AQP11: variants seen among roughly 807,000 people sequenced by gnomAD.
AQP11 encodes the protein aquaporin-11.
A neutral mutation model predicts 21.1 loss-of-function variants in AQP11; 20 were observed. The observed-to-expected ratio is 0.95, with a 90% CI of 0.67 to 1.38. AQP11 has a LOEUF of 1.38. Among genes scored for constraint, AQP11 ranks in the 40% most tolerant of loss-of-function variants. The probability of loss-of-function intolerance (pLI) is 0.00; values close to 1 mark genes in which losing one functional copy is unlikely to be tolerated. For missense variants in AQP11, 339 were observed against 340.4 expected (o/e 1.00, Z 0.03); for synonymous variants, 167 against 150.1 (o/e 1.11, Z -0.82).
chr11:77,606,760 C>T (rs1324808401), intron 2 of AQP11, among the ~76,000 whole-genome samples: 2 of 152,052 alleles, frequency 1.3e-5, no homozygotes, highest in Non-Finnish European at 2.9e-5. Flanking sequence ...CCACACCCAG[C>T]TAAGTTTTGT....
chr11:77,593,214 A>G (rs1958758879), intron 1 of AQP11, among the ~76,000 whole-genome samples: 1 of 152,168 alleles, frequency 6.6e-6, no homozygotes, highest in African/African-American at 2.4e-5. Flanking sequence ...AGAAATTTAT[A>G]ATGCAGTATG....
intron 2 of AQP11, among the ~76,000 whole-genome samples, chr11:77,607,215 G>C (rs766339800): frequency 7.9e-5 from 12 of 151,890 alleles, no homozygotes; most frequent in Non-Finnish European, 1.6e-4. Flanking sequence ...AAAAAAATTG[G>C]CTCCAAATGA....
intron 2 of AQP11, among the ~76,000 whole-genome samples, chr11:77,606,134 C>G (rs2065870236): frequency 6.7e-6 from 1 of 149,866 alleles, no homozygotes; most frequent in South Asian, 2.1e-4. Context: ...GCCAGGAGTT[C>G]AAGGCCACCT....
intron 1 of AQP11, among the ~76,000 whole-genome samples, chr11:77,592,454 A>G (rs1277234902): frequency 2.0e-5 from 3 of 152,192 alleles, no homozygotes; most frequent in Non-Finnish European, 4.4e-5. Context: ...TCTACAATTA[A>G]AAGCAGTAAA....
intron 1 of AQP11, among the ~76,000 whole-genome samples, chr11:77,600,338 C>A (rs577468350): frequency 6.6e-6 from 1 of 152,176 alleles, no homozygotes; most frequent in Non-Finnish European, 1.5e-5. Context: ...AAGTATCATA[C>A]CTTACTCAGC....
rs1039057337 is a variant in AQP11, at chr11:77,603,678, C to T, written c.736+6C>T. ...CTGGCTGGCTCCTTCTTTAGGTAAG[C>T]GTATTTTTATTTAATATGTCTGAAA... On this transcript the variant is annotated splice_donor_region_variant and intron_variant, in intron 2 of 2. Coordinates refer to ENST00000313578, the MANE Select transcript of AQP11 (RefSeq NM_173039.3). 4.5e-6 allele frequency: 7 copies of T among 1,542,798 alleles called. No homozygotes were observed. The highest frequency in any genetic ancestry group is 1.7e-4 in the Middle Eastern group (1 of 5,890).
chr11:77,601,344 C>CTTTTTT (rs36104720), intron 1 of AQP11, among the ~76,000 whole-genome samples: 1 of 129,430 alleles, frequency 7.7e-6, no homozygotes, highest in Non-Finnish European at 1.6e-5. Flanking sequence ...CCATTCAAAA[C>CTTTTTT]TTTTTTTTTT....
chr11:77,609,174 C>A, intron 2 of AQP11, 124 bp from the exon 3 acceptor site: 3 of 585,846 alleles, frequency 5.1e-6, no homozygotes, highest in Non-Finnish European at 8.8e-6. Context: ...TTGATGTAGC[C>A]AATTCTTTAA....
At chr11:77,595,349 GAAAA>G (rs1046031295) in intron 1 of AQP11, among the ~76,000 whole-genome samples, 8 of 151,668 alleles carry the variant, frequency 5.3e-5, no homozygotes, top group Non-Finnish European at 8.8e-5. Flanking sequence ...CTCAAAAAAA[GAAAA>G]AAAGAAAGAA....
chr11:77,608,914 G>A (rs1304212532), intron 2 of AQP11, among the ~76,000 whole-genome samples: 1 of 152,120 alleles, frequency 6.6e-6, no homozygotes. Context: ...AAAGGAGAGT[G>A]TTACCATTTT....
chr11:77,591,133 G>A (rs1349699613), intron 1 of AQP11: 1 of 969,410 alleles, frequency 1.0e-6, no homozygotes, highest in African/African-American at 1.8e-5. Context: ...AATTCATTTT[G>A]AGTTATGAAA....
At chr11:77,602,338 G>C (rs1322589747) in intron 1 of AQP11, among the ~76,000 whole-genome samples, 1 of 152,152 alleles carries the variant, frequency 6.6e-6, no homozygotes, top group Non-Finnish European at 1.5e-5. Flanking sequence ...AAATGTCTGT[G>C]TGAGTCTTTA....
At chr11:77,608,731 T>G (rs1958860546) in intron 2 of AQP11, among the ~76,000 whole-genome samples, 1 of 152,194 alleles carries the variant, frequency 6.6e-6, no homozygotes, top group South Asian at 2.1e-4. Context: ...CAGTTAATGG[T>G]CAGTTAAATA....
intron 2 of AQP11, among the ~76,000 whole-genome samples, chr11:77,607,231 A>G (rs1161397688): frequency 6.6e-6 from 1 of 152,214 alleles, no homozygotes; most frequent in Non-Finnish European, 1.5e-5. Flanking sequence ...AATGAAATAA[A>G]GACATAAAGC....
At chr11:77,604,302 G>A (rs1432717670) in intron 2 of AQP11, among the ~76,000 whole-genome samples, 1 of 152,092 alleles carries the variant, frequency 6.6e-6, no homozygotes, top group African/African-American at 2.4e-5. Context: ...ATTTTGTAGA[G>A]ATGAGGTCTC....
rs766672199 is a variant in AQP11, at chr11:77,603,559, G to T, written c.623G>T (p.Gly208Val). The change falls in exon 2 of 3, where the codon GGA becomes GTA. Residue 208 changes from glycine to valine, a missense_variant. By Grantham distance (109) the Gly-to-Val change is moderately radical (BLOSUM62 -3). Coordinates refer to ENST00000313578, the MANE Select transcript of AQP11 (RefSeq NM_173039.3). ...CTCTGCTTAAAATCTGTTACAGGAG[G>T]AAGTCTAACAGGAGCTGTATTTAAT... ...ALITFLVYAGGSLTGAVFNPA... is the reference protein window; with the variant it reads ...ALITFLVYAGVSLTGAVFNPA... 2 of 1,576,598 alleles carry T rather than the reference G, an allele frequency of 1.3e-6. No individual in the cohort carries two copies. Among genetic ancestry groups the T allele is most frequent in the Admixed American group, 3.8e-5 (2 of 53,056 alleles).
chr11:77,601,914 T>C (rs1462009695), intron 1 of AQP11, among the ~76,000 whole-genome samples: 1 of 152,208 alleles, frequency 6.6e-6, no homozygotes, highest in Admixed American at 6.5e-5. Flanking sequence ...TGGAAGCTGA[T>C]GGGTTTATTG....
chr11:77,594,469 C>A (rs1203703835), intron 1 of AQP11, among the ~76,000 whole-genome samples: 1 of 152,174 alleles, frequency 6.6e-6, no homozygotes, highest in East Asian at 1.9e-4. Flanking sequence ...TAAGTCCCAT[C>A]TCTCCCTTTT....
At position 77,590,033 on chromosome 11, in the gene AQP11, C is replaced by G. The variant is rs772848746; in HGVS notation, c.41C>G (p.Thr14Ser). 8 of 1,562,108 alleles carry G rather than the reference C, an allele frequency of 5.1e-6. No homozygotes were observed. The highest frequency in any genetic ancestry group is 2.4e-5 in the South Asian group (2 of 84,894). ...GGGCTCCGGTCCGAGCTGCAGGACA[C>G]CTGCACCTCGCTGGGACTGATGCTG... ...LLGLRSELQD[T>S]CTSLGLMLSV... Residue 14 changes from threonine to serine, a missense_variant, in exon 1 of 3, where the codon ACC becomes AGC. By Grantham distance (58) the Thr-to-Ser change is moderately conservative (BLOSUM62 1). Coordinates refer to ENST00000313578, the MANE Select transcript of AQP11 (RefSeq NM_173039.3).
Sources: gnomAD v4.1 joint callset for allele counts (sites outside exome capture counted in the v4.1 genomes callset) on GRCh38, gnomAD v4.1.1 for gene constraint, MANE v1.5 for transcripts, NCBI Gene and HGNC (gene_info 2026-07-23, HGNC 2026-07-21) for gene names.